Variants in GRM7 observed in about 807,000 individuals in gnomAD.
GRM7 encodes glutamate metabotropic receptor 7, also known as metabotropic glutamate receptor 7.
A neutral mutation model predicts 84.5 loss-of-function variants in GRM7; 35 were observed. That is an observed-to-expected ratio of 0.41 (90% CI 0.32 to 0.55). The LOEUF (loss-of-function observed/expected upper bound fraction) is 0.55. GRM7 is among the 20% of genes least tolerant of loss of function. GRM7 has a pLI of 0.19. For missense variants in GRM7, 1,003 were observed against 1,194.6 expected, an observed-to-expected ratio of 0.84 and a Z score of 2.36; for synonymous variants, 487 against 455.1, an observed-to-expected ratio of 1.07 and a Z score of -0.89.
chr3:7,235,431 A>C (rs73128216), intron 2 of GRM7, among the ~76,000 whole-genome samples: 6,479 of 152,182 alleles, frequency 0.043, 469 homozygotes, highest in African/African-American at 0.15. Context: ...GGCCACCACC[A>C]ATAAGGAATT....
intron 2 of GRM7, among the ~76,000 whole-genome samples, chr3:7,215,190 A>G (rs1696560254): frequency 6.6e-6 from 1 of 152,218 alleles, no homozygotes; most frequent in African/African-American, 2.4e-5. Context: ...AATATGGGGC[A>G]AGACCTAGTA....
chr3:7,477,334 G>A (rs1698962316), intron 7 of GRM7, among the ~76,000 whole-genome samples: 1 of 151,898 alleles, frequency 6.6e-6, no homozygotes, highest in African/African-American at 2.4e-5. Context: ...GCTCCATCTT[G>A]TCTAAAGTCT....
intron 1 of GRM7, among the ~76,000 whole-genome samples, chr3:6,923,099 C>T (rs1037374331): frequency 7.2e-5 from 11 of 152,106 alleles, no homozygotes; most frequent in Non-Finnish European, 1.6e-4. Flanking sequence ...ATTGCAACCT[C>T]TGCCCCCAGG....
chr3:7,546,561 A>G (rs1693162129), intron 7 of GRM7, among the ~76,000 whole-genome samples: 1 of 152,264 alleles, frequency 6.6e-6, no homozygotes, highest in African/African-American at 2.4e-5. Flanking sequence ...TGAAAAACAA[A>G]GCCTTCTCCT....
At chr3:7,009,347 A>G (rs1351283669) in intron 1 of GRM7, among the ~76,000 whole-genome samples, 1 of 152,260 alleles carries the variant, frequency 6.6e-6, no homozygotes, top group Admixed American at 6.5e-5. Flanking sequence ...TCCAACAATT[A>G]TAATACAAGA....
At chr3:7,437,346 A>T (rs937652405) in intron 5 of GRM7, among the ~76,000 whole-genome samples, 1 of 151,872 alleles carries the variant, frequency 6.6e-6, no homozygotes, top group Non-Finnish European at 1.5e-5. Flanking sequence ...TCTCCTATCC[A>T]CTCTGTCACT....
intron 1 of GRM7, among the ~76,000 whole-genome samples, chr3:7,045,340 G>T (rs1356599255): frequency 6.6e-6 from 1 of 152,130 alleles, no homozygotes; most frequent in Non-Finnish European, 1.5e-5. Context: ...AACAAGCAAA[G>T]ATAGAGTAAG....
intron 1 of GRM7, among the ~76,000 whole-genome samples, chr3:7,041,582 A>G (rs796417102): frequency 1.1e-4 from 16 of 152,326 alleles, no homozygotes; most frequent in African/African-American, 3.6e-4. Context: ...AAGCTGTTAT[A>G]AATATTTATG....
At chr3:7,067,920 G>A (rs1054291394) in intron 1 of GRM7, among the ~76,000 whole-genome samples, 6 of 151,842 alleles carry the variant, frequency 4.0e-5, no homozygotes, top group Non-Finnish European at 5.9e-5. Flanking sequence ...TATTATTCAT[G>A]CATTCTCTTT....
intron 9 of GRM7, among the ~76,000 whole-genome samples, chr3:7,714,623 T>G (rs1031773241): frequency 4.0e-5 from 6 of 150,988 alleles, no homozygotes; most frequent in African/African-American, 9.8e-5. Flanking sequence ...AACATGCTCT[T>G]TGGCACAAGT....
intron 1 of GRM7, among the ~76,000 whole-genome samples, chr3:7,045,481 C>T (rs1574830599): frequency 6.6e-6 from 1 of 152,216 alleles, no homozygotes; most frequent in East Asian, 1.9e-4. Flanking sequence ...CACTAAATGT[C>T]CAGAACTCAT....
At chr3:7,540,724 A>T (rs1279933569) in intron 7 of GRM7, among the ~76,000 whole-genome samples, 5 of 152,236 alleles carry the variant, frequency 3.3e-5, no homozygotes, top group Non-Finnish European at 7.3e-5. Context: ...TATGTGATTT[A>T]TATATCAATT....
chr3:7,451,629 C>T (rs1330411021), intron 5 of GRM7, among the ~76,000 whole-genome samples: 1 of 152,070 alleles, frequency 6.6e-6, no homozygotes, highest in East Asian at 1.9e-4. Flanking sequence ...CATTGCTCTA[C>T]CTGTAAATGA....
At chr3:7,580,627 T>A (rs1056395310) in intron 8 of GRM7, among the ~76,000 whole-genome samples, 9 of 152,184 alleles carry the variant, frequency 5.9e-5, no homozygotes, top group Admixed American at 5.9e-4. Flanking sequence ...ACTGTGTTTT[T>A]AAAAAAGTAA....
At chr3:7,004,566 G>C (rs1021787323) in intron 1 of GRM7, among the ~76,000 whole-genome samples, 2 of 152,054 alleles carry the variant, frequency 1.3e-5, no homozygotes, top group Non-Finnish European at 2.9e-5. Flanking sequence ...CTTTTTTAAT[G>C]ATGATCTTTT....
chr3:6,952,351 T>C (rs1241823831), intron 1 of GRM7, among the ~76,000 whole-genome samples: 1 of 152,176 alleles, frequency 6.6e-6, no homozygotes, highest in Non-Finnish European at 1.5e-5. Flanking sequence ...AACCTTGTTT[T>C]TTCTGATTTC....
intron 1 of GRM7, among the ~76,000 whole-genome samples, chr3:6,887,360 C>T (rs1695736671): frequency 6.6e-6 from 1 of 152,056 alleles, no homozygotes; most frequent in Admixed American, 6.6e-5. Flanking sequence ...AGGTATATCT[C>T]CTAATGCTAT....
intron 1 of GRM7, among the ~76,000 whole-genome samples, chr3:6,867,377 CT>C (rs1694973352): frequency 6.6e-6 from 1 of 152,128 alleles, no homozygotes; most frequent in African/African-American, 2.4e-5. Context: ...TGATTTCAGC[CT>C]TTGTGATCAC....
chr3:7,410,646 A>AC (rs1695893576), intron 4 of GRM7, among the ~76,000 whole-genome samples: 2 of 147,218 alleles, frequency 1.4e-5, no homozygotes, highest in Middle Eastern at 3.4e-3. Context: ...TACACACAAA[A>AC]CCACCACCAC....
Sources: allele counts gnomAD v4.1 joint callset (sites outside exome capture counted in the v4.1 genomes callset), GRCh38; gene constraint gnomAD v4.1.1; transcripts MANE v1.5; gene names NCBI Gene and HGNC (gene_info 2026-07-23, HGNC 2026-07-21).